The following DYRK1A variants were observed in gnomAD, a reference collection of about 807,000 sequenced individuals.
DYRK1A encodes dual specificity tyrosine-phosphorylation-regulated kinase 1A.
A neutral mutation model predicts 79.7 loss-of-function variants in DYRK1A; 9 were observed. The ratio of observed to expected loss-of-function variants is 0.11; its 90% CI spans 0.07 to 0.20. DYRK1A has a LOEUF of 0.20. Among genes scored for constraint, DYRK1A ranks in the 10% least tolerant of loss-of-function variants. The pLI, the probability that DYRK1A is intolerant of heterozygous loss-of-function variation, is 1.00. For synonymous variants in DYRK1A, 349 were observed against 329.7 expected (o/e 1.06, Z -0.63); for missense variants, 622 against 956.0 (o/e 0.65, Z 4.61).
At chr21:37,457,514 G>A (rs1171406506) in intron 2 of DYRK1A, among the ~76,000 whole-genome samples, 1 of 152,206 alleles carries the variant, frequency 6.6e-6, no homozygotes, top group African/African-American at 2.4e-5. Context: ...TGGGATTACA[G>A]GCATGTGCCA....
intron 9 of DYRK1A, among the ~76,000 whole-genome samples, chr21:37,497,414 C>T (rs922456255): frequency 3.3e-5 from 5 of 152,104 alleles, no homozygotes; most frequent in South Asian, 2.1e-4. Context: ...AAAATGCCAT[C>T]GAGACCTCCT....
intron 1 of DYRK1A, among the ~76,000 whole-genome samples, chr21:37,384,929 C>G (rs150068312): frequency 6.6e-5 from 10 of 152,170 alleles, no homozygotes; most frequent in East Asian, 3.9e-4. Flanking sequence ...AGAGAAAACT[C>G]AGTCAATAGA....
At chr21:37,476,952 C>G (rs2052420329) in intron 3 of DYRK1A, among the ~76,000 whole-genome samples, 1 of 151,634 alleles carries the variant, frequency 6.6e-6, no homozygotes, top group Non-Finnish European at 1.5e-5. Context: ...CAGAAGAAAC[C>G]AGTGTTAATG....
intron 1 of DYRK1A, among the ~76,000 whole-genome samples, chr21:37,384,342 A>G (rs1462514726): frequency 6.6e-6 from 1 of 152,154 alleles, no homozygotes; most frequent in African/African-American, 2.4e-5. Flanking sequence ...TAAGCAGAAA[A>G]AATCTCAGAG....
At chr21:37,366,317 G>C (rs1326567049), upstream of DYRK1A, 1 of 144,908 alleles carries the variant, frequency 6.9e-6, no homozygotes, top group Admixed American at 6.8e-5. Context: ...GCGGGGCTGC[G>C]GGCGCCGACG....
chr21:37,483,017 A>G (rs1442010983), intron 5 of DYRK1A, among the ~76,000 whole-genome samples: 2 of 152,128 alleles, frequency 1.3e-5, no homozygotes, highest in Admixed American at 6.5e-5. Flanking sequence ...ATGCTCTACA[A>G]TTTGTGCAGT....
intron 6 of DYRK1A, chr21:37,488,224 T>G: frequency 4.7e-6 from 2 of 425,914 alleles, no homozygotes; most frequent in Non-Finnish European, 6.3e-6. Context: ...TTTGGATGAG[T>G]TTTTAAATTC....
chr21:37,392,296 A>G (rs1374765089), intron 1 of DYRK1A, among the ~76,000 whole-genome samples: 1 of 152,172 alleles, frequency 6.6e-6, no homozygotes, highest in Non-Finnish European at 1.5e-5. Flanking sequence ...ACTTTCCTAG[A>G]AGGAGGCAGG....
intron 9 of DYRK1A, chr21:37,504,204 G>C (rs954921272): frequency 1.3e-5 from 2 of 152,286 alleles, no homozygotes; most frequent in Admixed American, 1.3e-4. Context: ...TTTAGAATCA[G>C]GGAAAATCTA....
At chr21:37,382,234 A>ATT (rs962549148) in intron 1 of DYRK1A, among the ~76,000 whole-genome samples, 2 of 150,492 alleles carry the variant, frequency 1.3e-5, no homozygotes, top group African/African-American at 2.4e-5. Flanking sequence ...AAAAAATTAA[A>ATT]TTTTTTTTTA....
At chr21:37,387,963 C>G (rs1486210383) in intron 1 of DYRK1A, among the ~76,000 whole-genome samples, 1 of 152,054 alleles carries the variant, frequency 6.6e-6, no homozygotes, top group Non-Finnish European at 1.5e-5. Flanking sequence ...ATATAATGAG[C>G]TCCTTGTACT....
intron 2 of DYRK1A, among the ~76,000 whole-genome samples, chr21:37,424,083 T>C (rs1298646876): frequency 6.6e-6 from 1 of 152,038 alleles, no homozygotes; most frequent in Admixed American, 6.6e-5. Context: ...ATATGTGGGG[T>C]ACACTAGGAG....
chr21:37,475,607 A>G (rs1003289920), intron 3 of DYRK1A, among the ~76,000 whole-genome samples: 1 of 152,216 alleles, frequency 6.6e-6, no homozygotes, highest in Non-Finnish European at 1.5e-5. Context: ...GAGCATCTCA[A>G]TGCAGGATGT....
At chr21:37,495,509 G>A (rs992415798) in intron 8 of DYRK1A, among the ~76,000 whole-genome samples, 5 of 152,192 alleles carry the variant, frequency 3.3e-5, no homozygotes, top group African/African-American at 1.2e-4. Context: ...AAATATGCCT[G>A]TAGTCCCAGT....
intron 1 of DYRK1A, among the ~76,000 whole-genome samples, chr21:37,389,307 G>C (rs1247387762): frequency 2.6e-5 from 4 of 151,542 alleles, no homozygotes; most frequent in Non-Finnish European, 5.9e-5. Flanking sequence ...GGGAATATAG[G>C]CGTACACCAC....
chr21:37,452,156 G>A (rs62222279), intron 2 of DYRK1A, among the ~76,000 whole-genome samples: 27 of 150,428 alleles, frequency 1.8e-4, no homozygotes, highest in Admixed American at 1.8e-3. Flanking sequence ...TTTTTTTTTG[G>A]TTGTGGACAT....
intron 1 of DYRK1A, among the ~76,000 whole-genome samples, chr21:37,402,855 C>T (rs748499239): frequency 1.3e-5 from 2 of 152,106 alleles, no homozygotes; most frequent in Non-Finnish European, 2.9e-5. Flanking sequence ...CTCTGCCTCC[C>T]AGGTTCAAGT....
At chr21:37,381,501 G>A (rs1017216343) in intron 1 of DYRK1A, among the ~76,000 whole-genome samples, 1 of 152,190 alleles carries the variant, frequency 6.6e-6, no homozygotes, top group African/African-American at 2.4e-5. Flanking sequence ...GTTTGGAGCA[G>A]GTGTAAGTTG....
At chr21:37,430,677 T>C (rs909042648) in intron 2 of DYRK1A, among the ~76,000 whole-genome samples, 2 of 152,178 alleles carry the variant, frequency 1.3e-5, no homozygotes, top group Non-Finnish European at 2.9e-5. Flanking sequence ...TCTCTTTCTC[T>C]GCTTGCCAGG....
Sources: gnomAD v4.1 joint callset for allele counts (sites outside exome capture counted in the v4.1 genomes callset) on GRCh38, gnomAD v4.1.1 for gene constraint, MANE v1.5 for transcripts, NCBI Gene and HGNC (gene_info 2026-07-23, HGNC 2026-07-21) for gene names.